Variants in HRH1 observed in about 807,000 individuals in gnomAD.
HRH1 encodes histamine receptor H1, also known as histamine H1 receptor.
In HRH1, 6 loss-of-function variants were observed where a neutral mutation model predicts 10.3. The ratio of observed to expected loss-of-function variants is 0.58; its 90% CI spans 0.32 to 1.15. The LOEUF (loss-of-function observed/expected upper bound fraction) is 1.15. Ranked by LOEUF, HRH1 falls within the 50% of genes most tolerant of loss-of-function variation. HRH1 has a pLI of 0.05. For synonymous variants in HRH1, 242 were observed against 236.7 expected (o/e 1.02, Z -0.21); for missense variants, 514 against 615.3 (o/e 0.84, Z 1.74).
intron 1 of HRH1, among the ~76,000 whole-genome samples, chr3:11,204,480 T>A (rs573800444): frequency 6.6e-6 from 1 of 152,162 alleles, no homozygotes; most frequent in South Asian, 2.1e-4. Flanking sequence ...AGGAAGGAGC[T>A]TAGAGCCTTC....
intron 1 of HRH1, among the ~76,000 whole-genome samples, chr3:11,181,667 C>T (rs1350464988): frequency 2.8e-5 from 4 of 144,268 alleles, no homozygotes; most frequent in South Asian, 2.2e-4. Context: ...AGTCTCGCTC[C>T]GTCGCCCAGG....
At chr3:11,216,355 G>A (rs765420768) in intron 1 of HRH1, among the ~76,000 whole-genome samples, 12 of 152,156 alleles carry the variant, frequency 7.9e-5, no homozygotes, top group East Asian at 1.9e-4. Context: ...CACAGCAGCC[G>A]AAGAGTGGAA....
At chr3:11,256,350 G>C (rs549687501) in intron 1 of HRH1, among the ~76,000 whole-genome samples, 17 of 152,282 alleles carry the variant, frequency 1.1e-4, no homozygotes, top group African/African-American at 4.1e-4. Flanking sequence ...TGAGAAGATG[G>C]AGGCCAAGAG....
At chr3:11,159,843 G>A (rs1936890463) in intron 1 of HRH1, among the ~76,000 whole-genome samples, 1 of 152,228 alleles carries the variant, frequency 6.6e-6, no homozygotes, top group Non-Finnish European at 1.5e-5. Flanking sequence ...TGGAGGGTAG[G>A]GAGGAAAGCC....
Position 11,260,355 on chromosome 3 carries a change from T to A in HRH1, c.1318T>A (p.Phe440Ile). 1 of 1,614,228 alleles carries A rather than the reference T, an allele frequency of 6.2e-7. No homozygotes were observed. The highest frequency in any genetic ancestry group is 8.5e-7 in the Non-Finnish European group (1 of 1,180,034). Residue 440 changes from phenylalanine (F) to isoleucine (I), a missense_variant, in exon 2 of 2, where the codon TTC becomes ATC. Physicochemically the swap from Phe to Ile is conservative, Grantham distance 21. Coordinates refer to ENST00000431010, the MANE Select transcript of HRH1 (RefSeq NM_001098212.2). Reference sequence around the variant, plus strand: ...TTTCATCTTCTTCATGGTCATTGCCTTCTGCAAGAACTGTTGCAATGAACA... The same window carrying A: ...TTTCATCTTCTTCATGGTCATTGCCATCTGCAAGAACTGTTGCAATGAACA... Reference protein sequence around the residue: ...PYFIFFMVIAFCKNCCNEHLH... With the variant: ...PYFIFFMVIAICKNCCNEHLH...
In HRH1 at chr3:11,263,046, T is replaced by C. The variant is rs202019438; in HGVS notation, c.*2545T>C. On this transcript the variant is annotated 3_prime_UTR_variant, in exon 2 of 2. Coordinates refer to ENST00000431010, the MANE Select transcript of HRH1 (RefSeq NM_001098212.2). Reference sequence around the variant, plus strand: ...ATAGGCAAACTGAGGCCCAGAGAGATTGAGGAACTGCTCCGAGGTCTGATT... The same window carrying C: ...ATAGGCAAACTGAGGCCCAGAGAGACTGAGGAACTGCTCCGAGGTCTGATT... The C allele has an allele frequency of 3.6e-5, 6 of 167,108 alleles. No homozygotes were observed. Among genetic ancestry groups the C allele is most frequent in the Non-Finnish European group, 5.9e-5 (4 of 68,136 alleles). The allele number at this position is 167,108 out of a possible 1,614,324, so 10.4% of individuals were successfully genotyped here. A position where few individuals can be genotyped will look rare whatever the true frequency, so the allele number is the denominator to read the frequency against.
chr3:11,160,813 A>G (rs543865474), intron 1 of HRH1, among the ~76,000 whole-genome samples: 11 of 152,304 alleles, frequency 7.2e-5, no homozygotes, highest in South Asian at 2.1e-4. Context: ...CCATCTGCCA[A>G]TTCTAATAAC....
At chr3:11,148,969 C>G (rs1936533242) in intron 1 of HRH1, among the ~76,000 whole-genome samples, 1 of 152,128 alleles carries the variant, frequency 6.6e-6, no homozygotes, top group Non-Finnish European at 1.5e-5. Context: ...TGCTTGTCCT[C>G]TTCATCCTCA....
chr3:11,151,855 T>A (rs1434248405), upstream of HRH1, among the ~76,000 whole-genome samples: 1 of 152,158 alleles, frequency 6.6e-6, no homozygotes, highest in Non-Finnish European at 1.5e-5. Context: ...TTATTTTACA[T>A]ACAGATGAGG....
chr3:11,174,406 A>C (rs1937211353), intron 1 of HRH1, among the ~76,000 whole-genome samples: 1 of 152,154 alleles, frequency 6.6e-6, no homozygotes, highest in East Asian at 1.9e-4. Flanking sequence ...GCCTTGAGGG[A>C]AGAATCAGAA....
chr3:11,209,575 T>C (rs1329962334), intron 1 of HRH1, among the ~76,000 whole-genome samples: 2 of 152,256 alleles, frequency 1.3e-5, no homozygotes, highest in African/African-American at 4.8e-5. Context: ...TAGTTCAGGC[T>C]GCTATATATA....
At chr3:11,229,177 C>G (rs1332338259) in intron 1 of HRH1, among the ~76,000 whole-genome samples, 1 of 152,018 alleles carries the variant, frequency 6.6e-6, no homozygotes, top group Non-Finnish European at 1.5e-5. Flanking sequence ...TTCTTCTCAC[C>G]TACTTTGTTT....
At chr3:11,228,479 T>C (rs1938954528) in intron 1 of HRH1, among the ~76,000 whole-genome samples, 1 of 152,220 alleles carries the variant, frequency 6.6e-6, no homozygotes, top group South Asian at 2.1e-4. Context: ...CATCAGTATT[T>C]TTTTTAAAGC....
chr3:11,148,124 G>T (rs892164931), intron 1 of HRH1, among the ~76,000 whole-genome samples: 1 of 150,456 alleles, frequency 6.6e-6, no homozygotes, highest in Non-Finnish European at 1.5e-5. Context: ...AGGTTGCAGT[G>T]AGCTGAGATT....
chr3:11,260,816 T>TACA lies in HRH1; in HGVS notation c.*315_*316insACA. 2 of 279,916 alleles carry TACA rather than the reference T, an allele frequency of 7.1e-6. No individual in the cohort carries two copies. Among genetic ancestry groups the TACA allele is most frequent in the Admixed American group, 4.8e-5 (1 of 21,038 alleles). The allele number at this position is 279,916 out of a possible 1,614,324, so 17.3% of individuals were successfully genotyped here. ...AGAGAATCAGACCTGGGTGGAACTC[T>TACA]CCTGCTCCTCAGGAACTATGGGAGC... is the stretch of plus-strand genomic sequence containing the variant. On this transcript the variant is annotated 3_prime_UTR_variant, in exon 2 of 2. Coordinates refer to ENST00000431010, the MANE Select transcript of HRH1 (RefSeq NM_001098212.2).
intron 1 of HRH1, among the ~76,000 whole-genome samples, chr3:11,224,488 G>T (rs946663860): frequency 6.6e-6 from 1 of 152,134 alleles, no homozygotes; most frequent in African/African-American, 2.4e-5. Context: ...ATGAGTTCAG[G>T]ATATCGAGAC....
At chr3:11,191,552 C>T (rs758458796) in intron 1 of HRH1, among the ~76,000 whole-genome samples, 6 of 152,094 alleles carry the variant, frequency 3.9e-5, no homozygotes. Flanking sequence ...TCTGTAATTC[C>T]GAGCAACTGT....
intron 1 of HRH1, among the ~76,000 whole-genome samples, chr3:11,137,858 C>T (rs1281353546): frequency 1.3e-5 from 2 of 151,990 alleles, no homozygotes; most frequent in Admixed American, 6.5e-5. Context: ...TTTGTTATGG[C>T]GGGAGAGTAT....
At chr3:11,230,662 T>C (rs1354745753) in intron 1 of HRH1, among the ~76,000 whole-genome samples, 2 of 152,118 alleles carry the variant, frequency 1.3e-5, no homozygotes, top group African/African-American at 4.8e-5. Context: ...AAAACTTATT[T>C]GCATATGAAG....
Sources: gnomAD v4.1 joint callset for allele counts (sites outside exome capture counted in the v4.1 genomes callset) on GRCh38, gnomAD v4.1.1 for gene constraint, MANE v1.5 for transcripts, NCBI Gene and HGNC (gene_info 2026-07-23, HGNC 2026-07-21) for gene names.